UMAD1: variants seen among roughly 807,000 people sequenced by gnomAD.
UMAD1 encodes the protein UBAP1-MVB12-associated (UMA) domain containing 1, also known as UBAP1-MVB12-associated (UMA)-domain containing protein 1.
UMAD1 carries 8 observed loss-of-function variants against 6.1 expected under a neutral mutation model. That is an observed-to-expected ratio of 1.30 (90% CI 0.76 to 2.35). The LOEUF (loss-of-function observed/expected upper bound fraction) is 2.35, where lower values mean the gene tolerates loss of function less well. Ranked by LOEUF, UMAD1 falls within the 30% of genes most tolerant of loss-of-function variation. The pLI is 0.00. For missense variants in UMAD1, 130 were observed against 78.4 expected, an observed-to-expected ratio of 1.66 and a Z score of -2.49; for synonymous variants, 56 against 31.4, an observed-to-expected ratio of 1.78 and a Z score of -2.61.
intron 2 of UMAD1, among the ~76,000 whole-genome samples, chr7:7,781,111 C>T (rs1031377807): frequency 6.6e-6 from 1 of 152,122 alleles, no homozygotes; most frequent in Non-Finnish European, 1.5e-5. Flanking sequence ...AAGCTTATAC[C>T]TGTTTACTTT....
intron 1 of UMAD1, among the ~76,000 whole-genome samples, chr7:7,656,942 AG>A (rs1785358055): frequency 6.6e-6 from 1 of 152,230 alleles, no homozygotes; most frequent in African/African-American, 2.4e-5. Context: ...CAGTGTTAAA[AG>A]CCTTCCTATT....
chr7:7,834,977 A>T (rs913579853), intron 3 of UMAD1, among the ~76,000 whole-genome samples: 10 of 146,004 alleles, frequency 6.8e-5, no homozygotes, highest in African/African-American at 1.4e-4. Context: ...CACACATTTT[A>T]AAAAAATCAG....
chr7:7,704,477 C>T (rs1381821450), intron 2 of UMAD1, among the ~76,000 whole-genome samples: 2 of 151,338 alleles, frequency 1.3e-5, no homozygotes, highest in African/African-American at 2.4e-5. Flanking sequence ...GCTTCTGGGC[C>T]GGGCGCGGTG....
At chr7:7,831,178 T>C (rs1379438876) in intron 3 of UMAD1, among the ~76,000 whole-genome samples, 1 of 152,206 alleles carries the variant, frequency 6.6e-6, no homozygotes, top group Non-Finnish European at 1.5e-5. Context: ...TAAGGTGACA[T>C]TAGTTTTACT....
intron 2 of UMAD1, among the ~76,000 whole-genome samples, chr7:7,761,159 A>C (rs558483760): frequency 6.6e-6 from 1 of 152,150 alleles, no homozygotes; most frequent in East Asian, 1.9e-4. Context: ...GAGCCCAGGA[A>C]TTCAAGTTCA....
chr7:7,875,533 A>T lies in UMAD1; in HGVS notation c.157-1748A>T, dbSNP rs112602181. Reference sequence around the variant, plus strand: ...ATCACCACTGATCCCACAGAAATACAAACTACCATCAGAGAATACTATAAA... The same window carrying T: ...ATCACCACTGATCCCACAGAAATACTAACTACCATCAGAGAATACTATAAA... On this transcript the variant is annotated intron_variant, in intron 3 of 3. Coordinates refer to ENST00000682710, the MANE Select transcript of UMAD1 (RefSeq NM_001302348.2). Among the ~76,000 whole-genome samples, 60 of 152,376 alleles carry T rather than the reference A, an allele frequency of 3.9e-4. 1 individual carries two copies. The highest frequency in any genetic ancestry group is 6.8e-3 in the Middle Eastern group (2 of 294).
intron 2 of UMAD1, among the ~76,000 whole-genome samples, chr7:7,774,591 G>A (rs926914408): frequency 5.9e-5 from 9 of 152,072 alleles, no homozygotes; most frequent in Admixed American, 3.3e-4. Flanking sequence ...CTTTTTTTGG[G>A]AACTCTTGAC....
At chr7:7,736,508 G>A (rs943752640) in intron 2 of UMAD1, 3 of 152,152 alleles carry the variant, frequency 2.0e-5, no homozygotes, top group South Asian at 4.1e-4. Context: ...AGATTCAGTC[G>A]TCTTTATTTA....
intron 3 of UMAD1, among the ~76,000 whole-genome samples, chr7:7,816,999 A>G (rs1216004695): frequency 2.0e-5 from 3 of 152,166 alleles, no homozygotes; most frequent in Admixed American, 6.5e-5. Flanking sequence ...CTGTGCATAT[A>G]TGGTCCTTCG....
chr7:7,673,568 G>T, intron 2 of UMAD1, 115 bp downstream of exon 2: 1 of 626,734 alleles, frequency 1.6e-6, no homozygotes, highest in Admixed American at 2.8e-5. Context: ...ATTAATTTAT[G>T]TGTTTAATTT....
At chr7:7,731,482 A>ACC (rs60208794) in intron 2 of UMAD1, among the ~76,000 whole-genome samples, 3,018 of 112,532 alleles carry the variant, frequency 0.027, 162 homozygotes, top group African/African-American at 0.085. Context: ...CAAACAAACA[A>ACC]CCCCCCCCCA....
chr7:7,772,614 G>A (rs1367161051), intron 2 of UMAD1, among the ~76,000 whole-genome samples: 1 of 152,204 alleles, frequency 6.6e-6, no homozygotes, highest in African/African-American at 2.4e-5. Flanking sequence ...AAAATTGAAA[G>A]TAGTGTGGTT....
Position 7,801,758 on chromosome 7 carries a change from G to T in UMAD1, c.156+15G>T, listed in dbSNP as rs1360962908. 2.8e-6 allele frequency: 2 copies of T among 717,284 alleles called. No homozygotes were observed. Among genetic ancestry groups the T allele is most frequent in the Middle Eastern group, 2.3e-4 (1 of 4,366 alleles). The allele number at this position is 717,284 out of a possible 1,614,324, so 44.4% of individuals were successfully genotyped here. On this transcript the variant is annotated intron_variant, in intron 3 of 3. Coordinates refer to ENST00000682710, the MANE Select transcript of UMAD1 (RefSeq NM_001302348.2). ...AACCTTTGGAGGTAAGTGAAACAGA[G>T]TAAGTCCTTTTCGGTGAAACTGAAC...
intron 2 of UMAD1, among the ~76,000 whole-genome samples, chr7:7,767,383 C>T (rs1451673494): frequency 6.6e-6 from 1 of 152,052 alleles, no homozygotes; most frequent in Non-Finnish European, 1.5e-5. Context: ...CCTCGGTCTC[C>T]CAAAGTGCTG....
intron 2 of UMAD1, among the ~76,000 whole-genome samples, chr7:7,727,977 A>G (rs1459167082): frequency 2.0e-5 from 3 of 152,118 alleles, no homozygotes; most frequent in Non-Finnish European, 2.9e-5. Flanking sequence ...TTATATATAT[A>G]TATCTATTCC....
intron 3 of UMAD1, among the ~76,000 whole-genome samples, chr7:7,841,762 G>A (rs752199805): frequency 3.3e-5 from 5 of 152,010 alleles, no homozygotes; most frequent in Non-Finnish European, 5.9e-5. Flanking sequence ...GAATAGTTCC[G>A]CTCTAATTTG....
chr7:7,680,133 G>A (rs1240617005), intron 2 of UMAD1, among the ~76,000 whole-genome samples: 2 of 152,080 alleles, frequency 1.3e-5, no homozygotes, highest in African/African-American at 4.8e-5. Flanking sequence ...CTGTCCTGTA[G>A]CATTTGCCCA....
rs118180827 is a variant in UMAD1 at position 7,812,939 on chromosome 7, C to T, written c.156+11196C>T. Among the ~76,000 whole-genome samples, 183 of 151,970 alleles carry T rather than the reference C, an allele frequency of 1.2e-3. 2 individuals are homozygous for T. Among genetic ancestry groups the T allele is most frequent in the Non-Finnish European group, 2.2e-3 (149 of 67,980 alleles). On this transcript the variant is annotated intron_variant, in intron 3 of 3. Transcript: ENST00000682710. ...GTGCAGCCATTTTTATGATGTCTTC[C>T]GACCACTAGAGATTCCTTCTTGAAG...
chr7:7,823,143 C>G (rs1202088216), intron 3 of UMAD1, among the ~76,000 whole-genome samples: 10 of 152,042 alleles, frequency 6.6e-5, no homozygotes, highest in Non-Finnish European at 2.9e-5. Flanking sequence ...GTCATTTAAG[C>G]TCACACTTTT....
Sources: allele counts gnomAD v4.1 joint callset (sites outside exome capture counted in the v4.1 genomes callset), GRCh38; gene constraint gnomAD v4.1.1; transcripts MANE v1.5; gene names NCBI Gene and HGNC (gene_info 2026-07-23, HGNC 2026-07-21).